Variants in FAM169A observed in about 807,000 individuals in gnomAD.
The protein encoded by FAM169A is soluble lamin-associated protein of 75 kDa.
A neutral mutation model predicts 75.7 loss-of-function variants in FAM169A; 24 were observed. That is an observed-to-expected ratio of 0.32 (90% CI 0.23 to 0.45). The LOEUF (loss-of-function observed/expected upper bound fraction) is 0.45, where lower values mean the gene tolerates loss of function less well. Among genes scored for constraint, FAM169A ranks in the 20% least tolerant of loss-of-function variants. FAM169A has a pLI of 1.00. For synonymous variants in FAM169A, 271 were observed against 271.0 expected (o/e 1.00, Z 0.00); for missense variants, 673 against 784.0 (o/e 0.86, Z 1.69).
intron 5 of FAM169A, 35 bp downstream of exon 5, chr5:74,834,391 A>G (rs1024964176): frequency 3.0e-6 from 4 of 1,342,328 alleles, no homozygotes; most frequent in African/African-American, 3.0e-5. Context: ...AGAGATTTCC[A>G]TAATACACAG....
intron 11 of FAM169A, among the ~76,000 whole-genome samples, chr5:74,787,242 G>A (rs749651158): frequency 3.3e-5 from 5 of 152,198 alleles, no homozygotes; most frequent in Non-Finnish European, 7.3e-5. Context: ...ATTGATTCGG[G>A]CCCACTAAGT....
chr5:74,805,337 A>G, intron 6 of FAM169A, 53 bp from the exon 7 acceptor site: 1 of 1,579,534 alleles, frequency 6.3e-7, no homozygotes, highest in East Asian at 2.2e-5. Flanking sequence ...ACTGTTTTGA[A>G]AAACAGGAGT....
rs1011963499 is a variant in FAM169A at position 74,780,638 on chromosome 5, A to G, written c.*822T>C. 30 of 152,206 alleles carry G rather than the reference A, an allele frequency of 2.0e-4. No individual in the cohort carries two copies. Among genetic ancestry groups the G allele is most frequent in the African/African-American group, 6.3e-4 (26 of 41,460 alleles). 9.4% of individuals were successfully genotyped at this position (152,206 alleles called of 1,614,324 possible). A position where few individuals can be genotyped will look rare whatever the true frequency, so the allele number is the denominator to read the frequency against. ...CCAAATTAAACCATGTCTCCAAAGTATAGTTGTGATTTTTACCTGATTAAA... is the reference window on the plus strand; with the variant it reads ...CCAAATTAAACCATGTCTCCAAAGTGTAGTTGTGATTTTTACCTGATTAAA... On this transcript the variant is annotated 3_prime_UTR_variant, in exon 13 of 13. Coordinates refer to ENST00000687041, the MANE Select transcript of FAM169A (RefSeq NM_001376049.1).
chr5:74,808,123 T>C (rs1231305814), intron 6 of FAM169A, among the ~76,000 whole-genome samples: 1 of 152,170 alleles, frequency 6.6e-6, no homozygotes, highest in Non-Finnish European at 1.5e-5. Context: ...TCCTCAGGTA[T>C]ACATTCAAAA....
At chr5:74,818,803 CTATATATA>C (rs58520219) in intron 5 of FAM169A, among the ~76,000 whole-genome samples, 16 of 121,618 alleles carry the variant, frequency 1.3e-4, no homozygotes, top group African/African-American at 3.1e-4. Flanking sequence ...CTCTCTCTCT[CTATATATA>C]TATATATATA....
intron 5 of FAM169A, among the ~76,000 whole-genome samples, chr5:74,817,452 C>A (rs1341077846): frequency 6.6e-6 from 1 of 151,176 alleles, no homozygotes; most frequent in Non-Finnish European, 1.5e-5. Flanking sequence ...ATAATAGCAT[C>A]AAAAAAAATA....
At chr5:74,786,714 A>G (rs1223419664) in intron 11 of FAM169A, among the ~76,000 whole-genome samples, 1 of 152,204 alleles carries the variant, frequency 6.6e-6, no homozygotes, top group Non-Finnish European at 1.5e-5. Context: ...GCCCCAAGTG[A>G]GAGTCTTATC....
chr5:74,801,170 G>A, intron 9 of FAM169A, 140 bp from the exon 10 acceptor site: 1 of 544,258 alleles, frequency 1.8e-6, no homozygotes, highest in East Asian at 3.4e-5. Flanking sequence ...CCTCACTTAT[G>A]TCAGGCTAAG....
chr5:74,862,647 GT>G (rs1212143306), intron 1 of FAM169A, among the ~76,000 whole-genome samples: 1 of 152,186 alleles, frequency 6.6e-6, no homozygotes, highest in Non-Finnish European at 1.5e-5. Flanking sequence ...GCACATTCAT[GT>G]TTTTGTACCC....
At chr5:74,846,923 T>C (rs1580160721) in intron 1 of FAM169A, among the ~76,000 whole-genome samples, 1 of 152,228 alleles carries the variant, frequency 6.6e-6, no homozygotes, top group South Asian at 2.1e-4. Flanking sequence ...ATGGCAGGGG[T>C]GAGACTGGAA....
In FAM169A at chr5:74,781,234, G is replaced by C; in HGVS notation, c.*226C>G. On this transcript the variant is annotated 3_prime_UTR_variant, in exon 13 of 13. Transcript: ENST00000687041. Reference sequence around the variant, plus strand: ...ATCTGGTTTCCCAAAATTGAAACATGGTTAATAAAAATAAAAAATTGCATT... The same window carrying C: ...ATCTGGTTTCCCAAAATTGAAACATCGTTAATAAAAATAAAAAATTGCATT... 1 of 477,962 alleles carries C rather than the reference G, an allele frequency of 2.1e-6. No individual in the cohort carries two copies. The highest frequency in any genetic ancestry group is 3.2e-5 in the East Asian group (1 of 31,582). The allele number at this position is 477,962 out of a possible 1,614,324, so 29.6% of individuals were successfully genotyped here. A position where few individuals can be genotyped will look rare whatever the true frequency, so the allele number is the denominator to read the frequency against.
chr5:74,805,306 T>C (rs745988437), intron 6 of FAM169A, 22 bp from the exon 7 acceptor site: 2 of 1,605,322 alleles, frequency 1.2e-6, no homozygotes. Flanking sequence ...ATTTAGAATT[T>C]TCTAGAAATC....
At chr5:74,808,754 T>G (rs1293186877) in intron 6 of FAM169A, among the ~76,000 whole-genome samples, 1 of 152,180 alleles carries the variant, frequency 6.6e-6, no homozygotes, top group Admixed American at 6.5e-5. Context: ...AGTGCAATTA[T>G]CTCTGGGGAG....
At chr5:74,850,441 T>C (rs1343704545) in intron 1 of FAM169A, among the ~76,000 whole-genome samples, 3 of 152,218 alleles carry the variant, frequency 2.0e-5, no homozygotes, top group African/African-American at 7.2e-5. Context: ...TAAGAAATCA[T>C]TTAAGCATGA....
chr5:74,834,329 T>C (rs564183065), intron 5 of FAM169A, 97 bp downstream of exon 5: 27 of 629,312 alleles, frequency 4.3e-5, no homozygotes, highest in Non-Finnish European at 6.5e-5. Context: ...TCAATTTGCA[T>C]GCTAGAGATT....
At chr5:74,862,205 A>G (rs914603900) in intron 1 of FAM169A, among the ~76,000 whole-genome samples, 2 of 152,166 alleles carry the variant, frequency 1.3e-5, no homozygotes, top group African/African-American at 2.4e-5. Context: ...TCTTCCTAAA[A>G]AGAGAGAGAG....
At position 74,781,919 on chromosome 5, in the gene FAM169A, T is replaced by G. The variant is rs1745431381; in HGVS notation, c.1554A>C (p.Pro518=). Residue 518 remains proline, a synonymous_variant, in exon 13 of 13, where the codon CCA becomes CCC. Coordinates refer to ENST00000687041, the MANE Select transcript of FAM169A (RefSeq NM_001376049.1). ...GHMEEKLSLL[P]RKKAHLGSSD... is the part of the protein sequence containing the mutation. ...AACTCCCAAGATGTGCTTTCTTTCT[T>G]GGAAGTAGGGACAATTTCTCTTCCA... 1.9e-6 allele frequency: 3 copies of G among 1,614,126 alleles called. No individual in the cohort carries two copies. In the East Asian group the frequency reaches 6.7e-5, roughly 36 times the overall value.
intron 8 of FAM169A, among the ~76,000 whole-genome samples, chr5:74,803,616 A>G (rs1746702551): frequency 6.6e-6 from 1 of 152,174 alleles, no homozygotes; most frequent in Non-Finnish European, 1.5e-5. Context: ...ACTGTAATAA[A>G]TGCCATCCCC....
At chr5:74,842,170 C>G (rs986743871) in intron 1 of FAM169A, among the ~76,000 whole-genome samples, 1 of 132,914 alleles carries the variant, frequency 7.5e-6, no homozygotes, top group African/African-American at 3.6e-5. Context: ...GCCTGTAATT[C>G]CAGCACTTTG....
Sources: allele counts gnomAD v4.1 joint callset (sites outside exome capture counted in the v4.1 genomes callset), GRCh38; gene constraint gnomAD v4.1.1; transcripts MANE v1.5; gene names NCBI Gene and HGNC (gene_info 2026-07-23, HGNC 2026-07-21).